The following PLGRKT variants were observed in gnomAD, a reference collection of about 807,000 sequenced individuals.
PLGRKT encodes the protein plasminogen receptor with a C-terminal lysine, also known as plasminogen receptor (KT).
A neutral mutation model predicts 18.5 loss-of-function variants in PLGRKT; 22 were observed. The ratio of observed to expected loss-of-function variants is 1.19; its 90% CI spans 0.85 to 1.70. The LOEUF (loss-of-function observed/expected upper bound fraction) is 1.70. Among genes scored for constraint, PLGRKT ranks in the 40% most tolerant of loss-of-function variants. PLGRKT has a pLI of 0.00. For synonymous variants in PLGRKT, 72 were observed against 52.8 expected (o/e 1.36, Z -1.58); for missense variants, 235 against 174.4 (o/e 1.35, Z -1.96).
At chr9:5,404,398 A>T (rs112005287) in intron 3 of PLGRKT, among the ~76,000 whole-genome samples, 1,823 of 152,274 alleles carry the variant, frequency 0.012, 32 homozygotes, top group African/African-American at 0.042. Flanking sequence ...GCAAGCCAAA[A>T]CCAGCAGCAC....
chr9:5,426,295 T>G (rs1026037538), intron 3 of PLGRKT, among the ~76,000 whole-genome samples: 3 of 152,162 alleles, frequency 2.0e-5, no homozygotes, highest in African/African-American at 7.2e-5. Flanking sequence ...ACTCCATAAC[T>G]TACATTTGAT....
intron 3 of PLGRKT, among the ~76,000 whole-genome samples, chr9:5,385,307 T>G (rs932483743): frequency 3.9e-5 from 6 of 152,000 alleles, no homozygotes; most frequent in African/African-American, 1.4e-4. Context: ...GCCTCTCATC[T>G]GCTTGAGTTG....
intron 3 of PLGRKT, among the ~76,000 whole-genome samples, chr9:5,364,664 C>T (rs1442424314): frequency 6.6e-6 from 1 of 152,158 alleles, no homozygotes; most frequent in Non-Finnish European, 1.5e-5. Flanking sequence ...AACTGTAAAA[C>T]TAAAGACAAA....
intron 2 of PLGRKT, among the ~76,000 whole-genome samples, chr9:5,435,897 G>C (rs1818950724): frequency 6.6e-6 from 1 of 152,214 alleles, no homozygotes; most frequent in Admixed American, 6.5e-5. Flanking sequence ...AGGTGAGTGG[G>C]AGCTGCAAGC....
chr9:5,408,225 A>G (rs1287764999), intron 3 of PLGRKT, among the ~76,000 whole-genome samples: 1 of 152,210 alleles, frequency 6.6e-6, no homozygotes, highest in African/African-American at 2.4e-5. Flanking sequence ...AGGATGACGG[A>G]AAGTTGGATC....
At chr9:5,419,510 A>G (rs1365530024) in intron 3 of PLGRKT, among the ~76,000 whole-genome samples, 3 of 152,168 alleles carry the variant, frequency 2.0e-5, no homozygotes, top group African/African-American at 4.8e-5. Context: ...GACATGCCCT[A>G]TGGCCAGCGG....
chr9:5,424,411 T>TTA lies in PLGRKT; in HGVS notation c.81+7484_81+7485dup, dbSNP rs1318904785. Among the ~76,000 whole-genome samples the TTA allele has an allele frequency of 5.5e-3, 692 of 125,978 alleles. 6 individuals carry two copies. The highest frequency in any genetic ancestry group is 0.021 in the African/African-American group (647 of 31,060). 82.6% of individuals were successfully genotyped at this position (125,978 alleles called of 152,430 possible). Reference sequence around the variant, plus strand: ...ATTATAAAACATAATATATTATATATTAACATATAATATATAACATATTAT... The same window carrying TTA: ...ATTATAAAACATAATATATTATATATTATAACATATAATATATAACATATTAT... On this transcript the variant is annotated intron_variant, in intron 3 of 5. Coordinates refer to ENST00000223864, the MANE Select transcript of PLGRKT (RefSeq NM_018465.4).
intron 3 of PLGRKT, among the ~76,000 whole-genome samples, chr9:5,385,596 G>A (rs1374920913): frequency 6.6e-6 from 1 of 151,478 alleles, no homozygotes; most frequent in Non-Finnish European, 1.5e-5. Context: ...TCACATACTT[G>A]CCACTCTTCA....
intron 3 of PLGRKT, among the ~76,000 whole-genome samples, chr9:5,401,294 TAG>T (rs869182336): frequency 7.3e-5 from 10 of 137,492 alleles, no homozygotes; most frequent in African/African-American, 2.7e-4. Context: ...TAGGACGGGC[TAG>T]AAAAAAATAT....
intron 3 of PLGRKT, among the ~76,000 whole-genome samples, chr9:5,383,689 C>T (rs1157818998): frequency 6.6e-6 from 1 of 152,104 alleles, no homozygotes; most frequent in Non-Finnish European, 1.5e-5. Context: ...ACCTACATCC[C>T]TCACATGCAC....
intron 3 of PLGRKT, among the ~76,000 whole-genome samples, chr9:5,365,072 G>A (rs1817355535): frequency 6.6e-6 from 1 of 151,840 alleles, no homozygotes; most frequent in Non-Finnish European, 1.5e-5. Flanking sequence ...TTGCAAACAA[G>A]CATACCTAAC....
intron 3 of PLGRKT, among the ~76,000 whole-genome samples, chr9:5,416,799 T>C (rs1313631997): frequency 3.3e-5 from 5 of 152,250 alleles, no homozygotes; most frequent in African/African-American, 1.2e-4. Context: ...ATCAGCTTGG[T>C]GGCTTGACCT....
intron 3 of PLGRKT, among the ~76,000 whole-genome samples, chr9:5,374,659 C>T (rs1440731887): frequency 6.6e-6 from 1 of 152,134 alleles, no homozygotes; most frequent in African/African-American, 2.4e-5. Context: ...ACTCATGGTG[C>T]AGGTTATTTC....
At chr9:5,417,267 T>C (rs1354633157) in intron 3 of PLGRKT, among the ~76,000 whole-genome samples, 3 of 152,200 alleles carry the variant, frequency 2.0e-5, no homozygotes, top group South Asian at 4.1e-4. Context: ...TACTGTACAG[T>C]GTCTAGCTTC....
chr9:5,408,478 T>C (rs887016819), intron 3 of PLGRKT, among the ~76,000 whole-genome samples: 2 of 152,192 alleles, frequency 1.3e-5, no homozygotes, highest in Non-Finnish European at 2.9e-5. Context: ...AGCAAAACAT[T>C]TGAGATGTAG....
At chr9:5,395,895 T>G (rs563005098) in intron 3 of PLGRKT, among the ~76,000 whole-genome samples, 26 of 149,982 alleles carry the variant, frequency 1.7e-4, no homozygotes, top group Admixed American at 1.3e-3. Context: ...ACAGTTTTTT[T>G]TTTTTTTTTT....
intron 3 of PLGRKT, among the ~76,000 whole-genome samples, chr9:5,427,488 A>T (rs980386486): frequency 6.6e-6 from 1 of 152,374 alleles, no homozygotes; most frequent in Non-Finnish European, 1.5e-5. Context: ...GAACATACAC[A>T]AAACTTTTAT....
intron 3 of PLGRKT, among the ~76,000 whole-genome samples, chr9:5,393,986 A>G (rs1366602587): frequency 6.6e-6 from 1 of 151,876 alleles, no homozygotes; most frequent in Non-Finnish European, 1.5e-5. Flanking sequence ...AGTGAGATAC[A>G]TTCTCCTTCA....
At chr9:5,361,951 T>C in intron 3 of PLGRKT, 63 bp from the exon 4 acceptor site, 2 of 1,474,826 alleles carry the variant, frequency 1.4e-6, no homozygotes, top group East Asian at 2.3e-5. Context: ...AAATAGTTAA[T>C]AATCTGTTTT....
Sources: allele counts gnomAD v4.1 joint callset (sites outside exome capture counted in the v4.1 genomes callset), GRCh38; gene constraint gnomAD v4.1.1; transcripts MANE v1.5; gene names NCBI Gene and HGNC (gene_info 2026-07-23, HGNC 2026-07-21).